The following GPR158 variants were observed in gnomAD, a reference collection of about 807,000 sequenced individuals.
GPR158 encodes the protein metabotropic glycine receptor.
Under a neutral mutation model 78.2 loss-of-function variants are expected in GPR158, and 30 were observed. That is an observed-to-expected ratio of 0.38 (90% confidence interval 0.29 to 0.52). GPR158 has a LOEUF of 0.52. Ranked by LOEUF, GPR158 falls within the 20% of genes least tolerant of loss-of-function variation. The pLI, the probability that GPR158 is intolerant of heterozygous loss-of-function variation, is 0.83. For missense variants in GPR158, 1,463 were observed against 1,523.5 expected (o/e 0.96, Z 0.66); for synonymous variants, 581 against 591.1 (o/e 0.98, Z 0.25).
At chr10:25,272,492 A>G (rs1854130569) in intron 2 of GPR158, among the ~76,000 whole-genome samples, 1 of 151,740 alleles carries the variant, frequency 6.6e-6, no homozygotes, top group Non-Finnish European at 1.5e-5. Flanking sequence ...TTACCTTTTC[A>G]CAAGACCCCA....
chr10:25,356,904 A>G (rs1855562286), intron 2 of GPR158, among the ~76,000 whole-genome samples: 1 of 152,088 alleles, frequency 6.6e-6, no homozygotes, highest in South Asian at 2.1e-4. Context: ...GAGAGCTCAG[A>G]AGAAGACAGG....
chr10:25,367,571 A>G (rs1855742548), intron 2 of GPR158, among the ~76,000 whole-genome samples: 1 of 151,788 alleles, frequency 6.6e-6, no homozygotes, highest in Admixed American at 6.6e-5. Flanking sequence ...ACAAATGGAA[A>G]TCTTGATAAT....
chr10:25,208,558 T>TTGTGTG (rs71399956), intron 1 of GPR158, among the ~76,000 whole-genome samples: 1,545 of 135,222 alleles, frequency 0.011, 23 homozygotes, highest in African/African-American at 0.035. Context: ...CTATGTGAAT[T>TTGTGTG]TGTGTGTGTG....
chr10:25,369,131 C>T (rs1224123461), intron 2 of GPR158, among the ~76,000 whole-genome samples: 1 of 151,692 alleles, frequency 6.6e-6, no homozygotes, highest in Non-Finnish European at 1.5e-5. Flanking sequence ...AATTTGTCTT[C>T]CTCTTTTCCT....
intron 4 of GPR158, among the ~76,000 whole-genome samples, chr10:25,433,344 G>T (rs1199398572): frequency 6.6e-6 from 1 of 151,458 alleles, no homozygotes; most frequent in South Asian, 2.1e-4. Context: ...GAAACTTAAC[G>T]TGCCAGATGC....
At chr10:25,459,655 C>T (rs536730183) in intron 4 of GPR158, among the ~76,000 whole-genome samples, 7 of 152,284 alleles carry the variant, frequency 4.6e-5, no homozygotes, top group African/African-American at 1.7e-4. Flanking sequence ...CTTGAGCATT[C>T]TTCTCTTCTT....
chr10:25,600,244 G>T lies in GPR158; in HGVS notation c.*970G>T, dbSNP rs1457502383. ...CGTTGTTTATTCAAAGTCAGAGATAGATAACGCCTTCATTCCAATTAATTG... is the reference window on the plus strand; with the variant it reads ...CGTTGTTTATTCAAAGTCAGAGATATATAACGCCTTCATTCCAATTAATTG... On this transcript the variant is annotated 3_prime_UTR_variant, in exon 11 of 11. Coordinates refer to ENST00000376351, the MANE Select transcript of GPR158 (RefSeq NM_020752.3). 6.6e-6 allele frequency: 1 copy of T among 152,622 alleles called. No individual in the cohort carries two copies. The highest frequency in any genetic ancestry group is 2.4e-5 in the African/African-American group (1 of 41,446). 9.5% of individuals were successfully genotyped at this position (152,622 alleles called of 1,614,324 possible). A position where few individuals can be genotyped will look rare whatever the true frequency, so the allele number is the denominator to read the frequency against.
chr10:25,531,448 T>C (rs1476683537), intron 5 of GPR158, among the ~76,000 whole-genome samples: 1 of 152,244 alleles, frequency 6.6e-6, no homozygotes, highest in African/African-American at 2.4e-5. Context: ...CATCCATTTG[T>C]TACTGTTTAC....
At chr10:25,493,967 G>GA (rs1835845501) in intron 5 of GPR158, among the ~76,000 whole-genome samples, 1 of 152,110 alleles carries the variant, frequency 6.6e-6, no homozygotes, top group Non-Finnish European at 1.5e-5. Context: ...ATGACTCCCT[G>GA]TAAGATTTAA....
At chr10:25,589,984 T>C (rs1456329140) in intron 8 of GPR158, among the ~76,000 whole-genome samples, 2 of 152,212 alleles carry the variant, frequency 1.3e-5, no homozygotes, top group Non-Finnish European at 2.9e-5. Context: ...AGTATTTGTC[T>C]CTGGCCTCAG....
At chr10:25,189,832 G>A (rs1371627372) in intron 1 of GPR158, among the ~76,000 whole-genome samples, 1 of 130,896 alleles carries the variant, frequency 7.6e-6, no homozygotes, top group Non-Finnish European at 1.6e-5. Context: ...AGAAAGGAAA[G>A]CATGTGTGTG....
At chr10:25,417,934 C>T (rs1033802897) in intron 4 of GPR158, among the ~76,000 whole-genome samples, 2 of 152,112 alleles carry the variant, frequency 1.3e-5, no homozygotes, top group African/African-American at 2.4e-5. Context: ...TTCATATGTG[C>T]ACCGTATGTC....
chr10:25,362,997 G>A (rs1855663466), intron 2 of GPR158, among the ~76,000 whole-genome samples: 1 of 151,506 alleles, frequency 6.6e-6, no homozygotes, highest in Non-Finnish European at 1.5e-5. Context: ...ACAATATATG[G>A]TTGAATCATG....
chr10:25,270,963 T>C (rs1854110155), intron 2 of GPR158, among the ~76,000 whole-genome samples: 1 of 152,216 alleles, frequency 6.6e-6, no homozygotes, highest in Non-Finnish European at 1.5e-5. Context: ...TATAAAGTCC[T>C]GCATACGCTG....
At chr10:25,369,237 T>A (rs1178848343) in intron 2 of GPR158, among the ~76,000 whole-genome samples, 1 of 150,310 alleles carries the variant, frequency 6.7e-6, no homozygotes, top group Non-Finnish European at 1.5e-5. Flanking sequence ...GGCATCCCTG[T>A]CTTGTGCCAG....
intron 3 of GPR158, among the ~76,000 whole-genome samples, chr10:25,400,376 A>G (rs1376312785): frequency 2.6e-5 from 4 of 152,214 alleles, no homozygotes; most frequent in African/African-American, 4.8e-5. Flanking sequence ...AAATATAAAT[A>G]TGACTTAAAA....
intron 5 of GPR158, among the ~76,000 whole-genome samples, chr10:25,511,360 C>A (rs796263754): frequency 3.9e-5 from 6 of 152,158 alleles, no homozygotes; most frequent in African/African-American, 1.2e-4. Context: ...GAATTGTCTA[C>A]TCATGTCCTT....
intron 6 of GPR158, among the ~76,000 whole-genome samples, chr10:25,564,740 T>TTTC (rs1836906583): frequency 6.6e-6 from 1 of 151,938 alleles, no homozygotes; most frequent in African/African-American, 2.4e-5. Flanking sequence ...CTGCATAGCT[T>TTTC]TTTTACTCAG....
chr10:25,343,580 G>A lies in GPR158; in HGVS notation c.1009-52331G>A, dbSNP rs143814033. Among the ~76,000 whole-genome samples, 1,328 of 152,004 alleles carry A rather than the reference G, an allele frequency of 8.7e-3. 26 individuals are homozygous for A. The highest frequency in any genetic ancestry group is 0.03 in the African/African-American group (1,251 of 41,518). The stretch of plus-strand genomic sequence containing the variant: ...TTTATCCCTGATTTATCAAAATTTT[G>A]TTCAGTAGTTTTTAAACTTTAGGGC... On this transcript the variant is annotated intron_variant, in intron 2 of 10. Coordinates refer to ENST00000376351, the MANE Select transcript of GPR158 (RefSeq NM_020752.3).
Sources: allele counts gnomAD v4.1 joint callset (sites outside exome capture counted in the v4.1 genomes callset), GRCh38; gene constraint gnomAD v4.1.1; transcripts MANE v1.5; gene names NCBI Gene and HGNC (gene_info 2026-07-23, HGNC 2026-07-21).